Variants in ZNF536 observed in about 807,000 individuals in gnomAD.
ZNF536 encodes zinc finger protein 536.
Under a neutral mutation model 84.5 loss-of-function variants are expected in ZNF536, and 13 were observed. That is an observed-to-expected ratio of 0.15 (90% CI 0.10 to 0.24). ZNF536 has a LOEUF of 0.24. Ranked by LOEUF, ZNF536 falls within the 10% of genes least tolerant of loss-of-function variation. The pLI is 1.00. For synonymous variants in ZNF536, 811 were observed against 742.5 expected (o/e 1.09, Z -1.50); for missense variants, 1,536 against 1,747.5 (o/e 0.88, Z 2.16).
chr19:30,404,900 G>A (rs1349573582), intron 1 of ZNF536, among the ~76,000 whole-genome samples: 1 of 152,162 alleles, frequency 6.6e-6, no homozygotes, highest in African/African-American at 2.4e-5. Context: ...CTGACCAACA[G>A]GCTTCACGTT....
At chr19:30,454,159 C>T (rs946330166) in intron 2 of ZNF536, among the ~76,000 whole-genome samples, 7 of 152,240 alleles carry the variant, frequency 4.6e-5, no homozygotes, top group Non-Finnish European at 1.0e-4. Context: ...TGCCATGGGG[C>T]CCAGGGCATT....
At chr19:30,584,311 C>T (rs1009769267) in intron 1 of ZNF536, among the ~76,000 whole-genome samples, 16 of 152,250 alleles carry the variant, frequency 1.1e-4, no homozygotes, top group Non-Finnish European at 1.8e-4. Flanking sequence ...TCTTAGCTGT[C>T]GTGTTATTTA....
At chr19:30,508,827 T>C (rs903032335) in intron 2 of ZNF536, among the ~76,000 whole-genome samples, 2 of 130,398 alleles carry the variant, frequency 1.5e-5, no homozygotes, top group African/African-American at 5.8e-5. Flanking sequence ...TTTCTTTTTT[T>C]TTTTTTTTTT....
At chr19:30,319,121 T>C (rs1180155133) in intron 2 of ZNF536, among the ~76,000 whole-genome samples, 3 of 152,186 alleles carry the variant, frequency 2.0e-5, no homozygotes, top group Non-Finnish European at 4.4e-5. Flanking sequence ...GCATTTAAAA[T>C]AGAAGTCCGG....
intron 1 of ZNF536, among the ~76,000 whole-genome samples, chr19:30,646,296 A>G (rs996110237): frequency 6.6e-6 from 1 of 152,240 alleles, no homozygotes; most frequent in Admixed American, 6.5e-5. Context: ...TTTCCTTTAC[A>G]TCCATCATTT....
In ZNF536 at chr19:30,230,541, G is replaced by A. The variant is rs1014304170; in HGVS notation, c.-190+1868G>A. On this transcript the variant is annotated intron_variant, in intron 1 of 5. Coordinates refer to the ZNF536 transcript ENST00000585628. ...GGAAGACTTAGGGCAGGCAGGGAGC[G>A]ACAGTCACGCTGTTCTGGTCCAAGT... 9.2e-5 allele frequency among the ~76,000 whole-genome samples: 14 copies of A among 152,292 alleles called. No homozygotes were observed. In the East Asian group the frequency reaches 2.3e-3, roughly 25 times the overall value.
intron 1 of ZNF536, among the ~76,000 whole-genome samples, chr19:30,235,635 T>C (rs571964151): frequency 6.6e-6 from 1 of 152,208 alleles, no homozygotes. Flanking sequence ...CCTTATTGAC[T>C]AGAGAAAAAA....
intron 2 of ZNF536, among the ~76,000 whole-genome samples, chr19:30,311,646 A>G (rs1360805436): frequency 6.7e-6 from 1 of 149,598 alleles, no homozygotes; most frequent in Non-Finnish European, 1.5e-5. Flanking sequence ...CCCCACCCCC[A>G]CTCTCTCATT....
intron 2 of ZNF536, among the ~76,000 whole-genome samples, chr19:30,524,701 TCCTCCACCCCCAC>T (rs1361697270): frequency 4.6e-5 from 7 of 152,140 alleles, no homozygotes; most frequent in East Asian, 1.9e-4. Flanking sequence ...TCTTCTCCCC[TCCTCCACCCCCAC>T]CCAAACAGGA....
chr19:30,316,812 C>A (rs1191527761), intron 2 of ZNF536, among the ~76,000 whole-genome samples: 4 of 152,218 alleles, frequency 2.6e-5, no homozygotes, highest in African/African-American at 9.6e-5. Flanking sequence ...CATGATTTGC[C>A]TTTCCTGGCC....
At chr19:30,627,204 G>A (rs751856801) in intron 1 of ZNF536, among the ~76,000 whole-genome samples, 2 of 151,934 alleles carry the variant, frequency 1.3e-5, no homozygotes, top group African/African-American at 4.8e-5. Context: ...GGGTGCTCAC[G>A]CCTATCATCC....
intron 1 of ZNF536, among the ~76,000 whole-genome samples, chr19:30,379,396 G>C (rs188609258): frequency 6.6e-6 from 1 of 152,124 alleles, no homozygotes; most frequent in East Asian, 1.9e-4. Context: ...CCCAAGTCTG[G>C]CAAAATGGAC....
At chr19:30,677,829 G>T (rs2147791143) in intron 1 of ZNF536, among the ~76,000 whole-genome samples, 1 of 152,240 alleles carries the variant, frequency 6.6e-6, no homozygotes. Flanking sequence ...CCTCTGATTT[G>T]GGGGGACTTG....
At chr19:30,321,222 G>A (rs2046843854) in intron 2 of ZNF536, among the ~76,000 whole-genome samples, 1 of 152,164 alleles carries the variant, frequency 6.6e-6, no homozygotes, top group Non-Finnish European at 1.5e-5. Flanking sequence ...AGAAAACTTG[G>A]CTCTGGCCCT....
At chr19:30,580,251 G>A (rs533791044) in intron 1 of ZNF536, among the ~76,000 whole-genome samples, 8 of 152,268 alleles carry the variant, frequency 5.3e-5, no homozygotes, top group Admixed American at 2.6e-4. Context: ...TACCCTACTC[G>A]GAGTTCTAGG....
At chr19:30,616,595 T>A (rs1183922939) in intron 1 of ZNF536, among the ~76,000 whole-genome samples, 4 of 152,250 alleles carry the variant, frequency 2.6e-5, no homozygotes. Flanking sequence ...TTTGCATTGC[T>A]GTTACAAAGC....
intron 2 of ZNF536, among the ~76,000 whole-genome samples, chr19:30,463,802 A>G (rs962786872): frequency 1.3e-5 from 2 of 152,090 alleles, no homozygotes; most frequent in African/African-American, 4.8e-5. Context: ...TACCAGGTGC[A>G]TGAGGGAGCG....
At chr19:30,274,092 G>A (rs1248922048) in intron 1 of ZNF536, among the ~76,000 whole-genome samples, 1 of 152,154 alleles carries the variant, frequency 6.6e-6, no homozygotes, top group East Asian at 1.9e-4. Flanking sequence ...TAAACAAAAA[G>A]TGACCCCTGT....
rs2052166749 is a variant in ZNF536, at chr19:30,443,587, G to C, written c.25G>C (p.Gly9Arg). The C allele has an allele frequency of 2.5e-6, 4 of 1,571,594 alleles. No individual in the cohort carries two copies. In the Middle Eastern group the frequency reaches 6.9e-4, roughly 271 times the overall value. MEEASLCL[G>R]VSSAEPEAEP... is the part of the protein sequence containing the mutation. ...GATGGAAGAAGCGAGCCTGTGCCTTGGAGTGTCTTCGGCGGAGCCGGAAGC... is the reference window on the plus strand; with the variant it reads ...GATGGAAGAAGCGAGCCTGTGCCTTCGAGTGTCTTCGGCGGAGCCGGAAGC... Residue 9 changes from glycine to arginine, a missense_variant, in exon 2 of 5, where the codon GGA becomes CGA. By Grantham distance (125) the Gly-to-Arg change is moderately radical (BLOSUM62 -2). Coordinates refer to ENST00000355537, the MANE Select transcript of ZNF536 (RefSeq NM_014717.3).
Sources: gnomAD v4.1 joint callset for allele counts (sites outside exome capture counted in the v4.1 genomes callset) on GRCh38, gnomAD v4.1.1 for gene constraint, MANE v1.5 for transcripts, NCBI Gene and HGNC (gene_info 2026-07-23, HGNC 2026-07-21) for gene names.